PAPPA: variants seen among roughly 807,000 people sequenced by gnomAD.
PAPPA encodes the protein pappalysin-1.
A neutral mutation model predicts 164.0 loss-of-function variants in PAPPA; 60 were observed. That is an observed-to-expected ratio of 0.37 (90% CI 0.30 to 0.45). PAPPA has a LOEUF of 0.45. Ranked by LOEUF, PAPPA falls within the 20% of genes least tolerant of loss-of-function variation. The probability of loss-of-function intolerance (pLI) is 1.00; values close to 1 mark genes in which losing one functional copy is unlikely to be tolerated. For missense variants in PAPPA, 1,782 were observed against 2,087.3 expected (o/e 0.85, Z 2.85); for synonymous variants, 875 against 814.1 (o/e 1.07, Z -1.27).
intron 2 of PAPPA, among the ~76,000 whole-genome samples, chr9:116,191,433 GA>G (rs746247394): frequency 6.6e-6 from 1 of 152,180 alleles, no homozygotes; most frequent in Non-Finnish European, 1.5e-5. Flanking sequence ...TTTCATATCA[GA>G]AAACCAAATA....
At chr9:116,349,002 T>G (rs1390428545) in intron 15 of PAPPA, among the ~76,000 whole-genome samples, 1 of 152,204 alleles carries the variant, frequency 6.6e-6, no homozygotes, top group East Asian at 1.9e-4. Flanking sequence ...AATGACCAGC[T>G]TGAAATCCTT....
intron 7 of PAPPA, among the ~76,000 whole-genome samples, chr9:116,249,483 T>C (rs190725438): frequency 6.6e-6 from 1 of 152,294 alleles, no homozygotes; most frequent in Non-Finnish European, 1.5e-5. Flanking sequence ...ATTGAGTGTC[T>C]GTAAGGTAAG....
At chr9:116,279,239 A>G (rs934645409) in intron 9 of PAPPA, among the ~76,000 whole-genome samples, 45 of 152,242 alleles carry the variant, frequency 3.0e-4, no homozygotes, top group African/African-American at 1.1e-3. Context: ...CTTTCACCCA[A>G]AGGGTCAAAG....
chr9:116,331,102 C>G (rs1397968469), intron 10 of PAPPA, 142 bp from the exon 11 acceptor site: 4 of 608,306 alleles, frequency 6.6e-6, no homozygotes, highest in East Asian at 5.5e-5. Flanking sequence ...AGCTCCTGGA[C>G]CAGATTCTGG....
At chr9:116,293,662 T>C (rs1328131664) in intron 9 of PAPPA, among the ~76,000 whole-genome samples, 1 of 152,194 alleles carries the variant, frequency 6.6e-6, no homozygotes, top group Middle Eastern at 3.2e-3. Flanking sequence ...GTCTATGAAG[T>C]ATTTCAAACA....
intron 7 of PAPPA, among the ~76,000 whole-genome samples, chr9:116,254,564 C>T (rs575557447): frequency 2.0e-4 from 30 of 152,222 alleles, no homozygotes; most frequent in African/African-American, 6.7e-4. Context: ...GGGCGGATCA[C>T]AAGGTCAGGA....
intron 2 of PAPPA, among the ~76,000 whole-genome samples, chr9:116,188,512 G>A (rs976532874): frequency 2.6e-5 from 4 of 152,250 alleles, no homozygotes; most frequent in African/African-American, 9.6e-5. Context: ...ACAAATAGCT[G>A]TTGTATTGTA....
chr9:116,249,897 C>G (rs1844839314), intron 7 of PAPPA, among the ~76,000 whole-genome samples: 1 of 152,148 alleles, frequency 6.6e-6, no homozygotes. Flanking sequence ...GGGCAGTTCA[C>G]CTTCAGCCAC....
At chr9:116,206,877 C>T (rs373640942) in intron 2 of PAPPA, among the ~76,000 whole-genome samples, 2 of 152,196 alleles carry the variant, frequency 1.3e-5, no homozygotes, top group South Asian at 4.1e-4. Context: ...ATAAAATTGC[C>T]AATGGGATAA....
chr9:116,386,425 T>C (rs894508005), intron 21 of PAPPA, among the ~76,000 whole-genome samples: 22 of 152,184 alleles, frequency 1.4e-4, no homozygotes, highest in African/African-American at 4.3e-4. Context: ...CTATTGCATA[T>C]TTCAGACACT....
chr9:116,241,705 A>G (rs1844737755), intron 7 of PAPPA, among the ~76,000 whole-genome samples: 1 of 152,174 alleles, frequency 6.6e-6, no homozygotes, highest in Non-Finnish European at 1.5e-5. Flanking sequence ...CTCTAAGAAG[A>G]TGCGTCTCTT....
intron 15 of PAPPA, among the ~76,000 whole-genome samples, chr9:116,349,587 CCTGGGTAAT>C (rs1297940700): frequency 6.6e-6 from 1 of 152,160 alleles, no homozygotes; most frequent in African/African-American, 2.4e-5. Flanking sequence ...GACTTGATCT[CCTGGGTAAT>C]CTTTTAAATG....
chr9:116,176,454 C>A (rs560062203), intron 1 of PAPPA, among the ~76,000 whole-genome samples: 1 of 152,286 alleles, frequency 6.6e-6, no homozygotes, highest in South Asian at 2.1e-4. Flanking sequence ...ATGGATTAAG[C>A]ACCAGCTTTG....
At chr9:116,260,569 G>C (rs1240703556) in intron 7 of PAPPA, among the ~76,000 whole-genome samples, 3 of 151,260 alleles carry the variant, frequency 2.0e-5, no homozygotes, top group East Asian at 2.0e-4. Context: ...AGACAATCTG[G>C]GTGGTAGGTC....
Position 116,187,372 on chromosome 9 carries a change from G to A in PAPPA, c.634G>A (p.Val212Met). Residue 212 changes from valine (V) to methionine (M), a missense_variant, in exon 2 of 22, where the codon GTG becomes ATG. Transcript: ENST00000328252. The surrounding 1 kb of genome is among the most constrained non-coding windows in gnomAD (Gnocchi z 4.2). ...TYDGQFMKLY[V>M]NGAQVATSGE... ...TGATGGGCAGTTCATGAAGCTCTAT[G>A]TGAATGGTGCCCAGGTGGCCACCTC... is the stretch of plus-strand genomic sequence containing the variant. 1.9e-6 allele frequency: 3 copies of A among 1,614,116 alleles called. No individual in the cohort carries two copies. The highest frequency in any genetic ancestry group is 2.5e-6 in the Non-Finnish European group (3 of 1,180,032).
intron 18 of PAPPA, 96 bp downstream of exon 18, chr9:116,362,835 T>A (rs1300496242): frequency 1.6e-6 from 2 of 1,212,330 alleles, no homozygotes; most frequent in African/African-American, 3.0e-5. Context: ...CCTGGCCACA[T>A]GAGTTCCTGC....
intron 8 of PAPPA, among the ~76,000 whole-genome samples, chr9:116,267,265 C>G (rs145588834): frequency 6.6e-6 from 1 of 152,172 alleles, no homozygotes; most frequent in South Asian, 2.1e-4. Flanking sequence ...AACTGGAAAC[C>G]TCTGCTTTAG....
At chr9:116,342,010 GT>G (rs1846144536) in intron 13 of PAPPA, among the ~76,000 whole-genome samples, 1 of 152,164 alleles carries the variant, frequency 6.6e-6, no homozygotes, top group Non-Finnish European at 1.5e-5. Context: ...AGAACTTAAT[GT>G]GCACAAAATA....
chr9:116,271,532 C>T lies in PAPPA; in HGVS notation c.2953+116C>T, dbSNP rs1486234692. ...AATGATGATTCACTCCTTTGTATTA[C>T]ACCTGTTTATTGAGTGCCTCCTACA... On this transcript the variant is annotated intron_variant, in intron 9 of 21. Coordinates refer to ENST00000328252, the MANE Select transcript of PAPPA (RefSeq NM_002581.5). This position sits in a 1 kb window ranked among gnomAD's most constrained non-coding sequence, Gnocchi z 4.2. The T allele has an allele frequency of 3.9e-6, 3 of 773,296 alleles. No homozygotes were observed. The allele number at this position is 773,296 out of a possible 1,614,324, so 47.9% of individuals were successfully genotyped here.
Sources: gnomAD v4.1 joint callset for allele counts (sites outside exome capture counted in the v4.1 genomes callset) on GRCh38, gnomAD v4.1.1 for gene constraint, Gnocchi (gnomAD v3.1) non-coding constraint, MANE v1.5 for transcripts, NCBI Gene and HGNC (gene_info 2026-07-23, HGNC 2026-07-21) for gene names.